Variants in VWA8 observed in about 807,000 individuals in gnomAD.
VWA8 encodes von Willebrand factor A domain containing 8, also known as von Willebrand factor A domain-containing protein 8.
A neutral mutation model predicts 241.5 loss-of-function variants in VWA8; 221 were observed. The ratio of observed to expected loss-of-function variants is 0.91; its 90% confidence interval spans 0.82 to 1.02. VWA8 has a LOEUF of 1.02. Ranked by LOEUF, VWA8 falls within the 50% of genes least tolerant of loss-of-function variation. VWA8 has a pLI of 0.00. For missense variants in VWA8, 2,322 were observed against 2,328.7 expected (o/e 1.00, Z 0.06); for synonymous variants, 852 against 827.1 (o/e 1.03, Z -0.52).
chr13:41,884,706 AGTAAAATG>A (rs776792918), intron 8 of VWA8, among the ~76,000 whole-genome samples: 6 of 152,210 alleles, frequency 3.9e-5, no homozygotes, highest in Non-Finnish European at 5.9e-5. Flanking sequence ...GAATTTTCAA[AGTAAAATG>A]TTCTAAGCAA....
At chr13:41,742,244 A>T (rs1566437679) in intron 21 of VWA8, among the ~76,000 whole-genome samples, 1 of 152,224 alleles carries the variant, frequency 6.6e-6, no homozygotes, top group Non-Finnish European at 1.5e-5. Flanking sequence ...CTCTAAATGG[A>T]TGTTCCAAAG....
chr13:41,794,256 T>G (rs1869588207), intron 17 of VWA8, among the ~76,000 whole-genome samples: 1 of 152,308 alleles, frequency 6.6e-6, no homozygotes, highest in South Asian at 2.1e-4. Context: ...CTAATTCTTC[T>G]TATCCATGAG....
intron 2 of VWA8, chr13:41,926,975 T>C (rs1876876270): frequency 1.4e-5 from 7 of 496,798 alleles, no homozygotes; most frequent in Non-Finnish European, 2.4e-5. Flanking sequence ...TCTGTGATCA[T>C]CCACAGATAA....
rs769225549 is a variant in VWA8, at chr13:41,691,305, T to C, written c.3866+15A>G. 2 of 1,611,150 alleles carry C rather than the reference T, an allele frequency of 1.2e-6. No homozygotes were observed. The highest frequency in any genetic ancestry group is 1.7e-6 in the Non-Finnish European group (2 of 1,178,052). ...CTACAACATACTCCATGATACACTA[T>C]ATAAAGCCACTCACTGATTTGTTTT... On this transcript the variant is annotated intron_variant, in intron 32 of 44. Coordinates refer to ENST00000379310, the MANE Select transcript of VWA8 (RefSeq NM_015058.2).
At chr13:41,582,733 CATA>C (rs1028479612) in intron 42 of VWA8, among the ~76,000 whole-genome samples, 102 of 110,438 alleles carry the variant, frequency 9.2e-4, no homozygotes, top group African/African-American at 3.0e-3. Context: ...GATCATATAA[CATA>C]ATGATACAGA....
At chr13:41,703,504 A>G in intron 26 of VWA8, 93 bp from the exon 27 acceptor site, 1 of 1,033,572 alleles carries the variant, frequency 9.7e-7, no homozygotes, top group Non-Finnish European at 1.5e-6. Flanking sequence ...ACACAAATAA[A>G]TTTGAAGAGT....
chr13:41,584,508 C>G (rs1378213348), intron 42 of VWA8, among the ~76,000 whole-genome samples: 1 of 152,126 alleles, frequency 6.6e-6, no homozygotes, highest in Non-Finnish European at 1.5e-5. Context: ...GCTCAAAGAG[C>G]TTGTTTTGTG....
chr13:41,701,464 T>C lies in VWA8; in HGVS notation c.3292A>G (p.Thr1098Ala). 1 of 1,612,564 alleles carries C rather than the reference T, an allele frequency of 6.2e-7. No homozygotes were observed. Among genetic ancestry groups the C allele is most frequent in the Non-Finnish European group, 8.5e-7 (1 of 1,179,290 alleles). The part of the protein sequence containing the change: ...ERHEERSLNF[T>A]EECASWRIPL... ...ATTCTCCATGAGGCACATTCTTCAG[T>C]AAAGTTTAGGGATCTTTCTTCATGT... is the stretch of plus-strand genomic sequence containing the variant. The change falls in exon 28 of 45, where the codon ACT becomes GCT. Residue 1098 changes from threonine (T) to alanine (A), a missense_variant. By Grantham distance (58) the Thr-to-Ala change is moderately conservative (BLOSUM62 0). Transcript: ENST00000379310.
At chr13:41,859,481 A>C (rs1009813689) in intron 12 of VWA8, among the ~76,000 whole-genome samples, 5 of 152,214 alleles carry the variant, frequency 3.3e-5, no homozygotes, top group African/African-American at 1.2e-4. Context: ...CTTGAATTTT[A>C]GATTAAATTT....
intron 35 of VWA8, among the ~76,000 whole-genome samples, chr13:41,678,231 GA>G (rs1404525178): frequency 6.6e-6 from 1 of 152,164 alleles, no homozygotes; most frequent in Non-Finnish European, 1.5e-5. Context: ...TCAGCAGGAA[GA>G]AAAGGTAATG....
chr13:41,783,970 C>G (rs925143634), intron 18 of VWA8, 69 bp from the exon 19 acceptor site: 19 of 1,119,158 alleles, frequency 1.7e-5, no homozygotes, highest in Non-Finnish European at 2.6e-5. Flanking sequence ...CCACCCAACA[C>G]AGAATGCAAT....
intron 14 of VWA8, among the ~76,000 whole-genome samples, chr13:41,822,352 T>C (rs930736308): frequency 9.2e-5 from 14 of 152,192 alleles, no homozygotes; most frequent in African/African-American, 3.1e-4. Flanking sequence ...TTTTCCATAC[T>C]ACAATACTAA....
chr13:41,583,086 C>G (rs1362817279), intron 42 of VWA8, among the ~76,000 whole-genome samples: 2 of 152,140 alleles, frequency 1.3e-5, no homozygotes, highest in Non-Finnish European at 2.9e-5. Context: ...CAAGGGACAA[C>G]TGTAATTATA....
At chr13:41,772,741 G>A (rs2045833986) in intron 20 of VWA8, among the ~76,000 whole-genome samples, 1 of 152,176 alleles carries the variant, frequency 6.6e-6, no homozygotes, top group Non-Finnish European at 1.5e-5. Flanking sequence ...TAAATAAGGG[G>A]CAGGCTACTT....
chr13:41,843,109 T>C (rs1162919805), intron 12 of VWA8, among the ~76,000 whole-genome samples: 2 of 152,210 alleles, frequency 1.3e-5, no homozygotes, highest in African/African-American at 4.8e-5. Flanking sequence ...GATGATGATA[T>C]TTAAAAAGTA....
chr13:41,869,408 C>T (rs986375441), intron 9 of VWA8, among the ~76,000 whole-genome samples: 2 of 151,848 alleles, frequency 1.3e-5, no homozygotes, highest in Non-Finnish European at 2.9e-5. Context: ...CCAAGGCAAG[C>T]GGATCACCTG....
chr13:41,857,306 A>T (rs1872795067), intron 12 of VWA8, among the ~76,000 whole-genome samples: 1 of 152,214 alleles, frequency 6.6e-6, no homozygotes, highest in South Asian at 2.1e-4. Flanking sequence ...CATCTGCAAC[A>T]GTTACAATGA....
chr13:41,834,368 A>G (rs1871624197), intron 12 of VWA8, among the ~76,000 whole-genome samples: 1 of 152,258 alleles, frequency 6.6e-6, no homozygotes, highest in African/African-American at 2.4e-5. Flanking sequence ...ACACATTTAC[A>G]GTCATTTTTA....
At chr13:41,757,247 T>C (rs918175247) in intron 21 of VWA8, among the ~76,000 whole-genome samples, 7 of 151,738 alleles carry the variant, frequency 4.6e-5, no homozygotes, top group African/African-American at 1.7e-4. Flanking sequence ...TCTTATTTCT[T>C]CCTATATCTC....
Sources: gnomAD v4.1 joint callset for allele counts (sites outside exome capture counted in the v4.1 genomes callset) on GRCh38, gnomAD v4.1.1 for gene constraint, MANE v1.5 for transcripts, NCBI Gene and HGNC (gene_info 2026-07-23, HGNC 2026-07-21) for gene names.